DAPL1: variants seen among roughly 807,000 people sequenced by gnomAD.
DAPL1 encodes death-associated protein-like 1.
A neutral mutation model predicts 12.9 loss-of-function variants in DAPL1; 17 were observed. The ratio of observed to expected loss-of-function variants is 1.32; its 90% confidence interval spans 0.90 to 1.98. The LOEUF is 1.98. DAPL1 is among the 30% of genes most tolerant of loss of function. DAPL1 has a pLI of 0.00. For synonymous variants in DAPL1, 51 were observed against 42.0 expected (o/e 1.21, Z -0.82); for missense variants, 157 against 125.7 (o/e 1.25, Z -1.19).
chr2:158,815,649 A>G, intron 3 of DAPL1, 56 bp from the exon 4 acceptor site: 1 of 1,086,920 alleles, frequency 9.2e-7, no homozygotes, highest in African/African-American at 1.5e-5. Flanking sequence ...CTAGTTTAAT[A>G]TTTCATGACC....
intron 3 of DAPL1, among the ~76,000 whole-genome samples, chr2:158,813,338 T>C (rs1319435327): frequency 2.0e-5 from 3 of 152,144 alleles, no homozygotes; most frequent in African/African-American, 7.2e-5. Context: ...AATGTGAATG[T>C]ATTTAGCACC....
chr2:158,808,160 G>A (rs2059211935), intron 3 of DAPL1, among the ~76,000 whole-genome samples: 1 of 152,226 alleles, frequency 6.6e-6, no homozygotes, highest in South Asian at 2.1e-4. Flanking sequence ...GAAGGCGTTG[G>A]ACAAAGTGTC....
At chr2:158,801,373 C>A (rs112805562) in intron 1 of DAPL1, among the ~76,000 whole-genome samples, 4,229 of 152,276 alleles carry the variant, frequency 0.028, 89 homozygotes, top group Middle Eastern at 0.12. Flanking sequence ...TTCTTCTTAG[C>A]ATTAAGCAAC....
intron 3 of DAPL1, among the ~76,000 whole-genome samples, chr2:158,808,400 A>G (rs1290029979): frequency 6.6e-6 from 1 of 152,232 alleles, no homozygotes. Context: ...CGTGGAGACA[A>G]TGAGCTCACA....
intron 1 of DAPL1, among the ~76,000 whole-genome samples, chr2:158,800,068 A>AG (rs1351395094): frequency 8.3e-6 from 1 of 120,414 alleles, no homozygotes; most frequent in Non-Finnish European, 1.7e-5. Flanking sequence ...ATCTCAAAAA[A>AG]AAAAAAAAAA....
intron 2 of DAPL1, among the ~76,000 whole-genome samples, chr2:158,805,183 C>T (rs1444179661): frequency 6.6e-6 from 1 of 152,204 alleles, no homozygotes. Context: ...TGGAAATAGA[C>T]TGTGGCACTT....
chr2:158,812,760 A>G (rs189180873), intron 3 of DAPL1, among the ~76,000 whole-genome samples: 2 of 144,418 alleles, frequency 1.4e-5, no homozygotes, highest in Non-Finnish European at 3.0e-5. Flanking sequence ...ACACCCCTAC[A>G]CTCCAGTCTG....
At chr2:158,809,477 G>A (rs1258365203) in intron 3 of DAPL1, among the ~76,000 whole-genome samples, 1 of 152,288 alleles carries the variant, frequency 6.6e-6, no homozygotes, top group East Asian at 1.9e-4. Flanking sequence ...TTACTGGTTA[G>A]GAGAGCAGGT....
intron 1 of DAPL1, among the ~76,000 whole-genome samples, chr2:158,796,649 T>C (rs1490246554): frequency 6.6e-6 from 1 of 152,234 alleles, no homozygotes; most frequent in Non-Finnish European, 1.5e-5. Context: ...TCTCATTATG[T>C]TGTTTCCACT....
chr2:158,812,507 T>C (rs115678934), intron 3 of DAPL1, among the ~76,000 whole-genome samples: 2,774 of 152,216 alleles, frequency 0.018, 83 homozygotes, highest in African/African-American at 0.058. Context: ...AGAATTGCCA[T>C]ATCAGGCTGG....
chr2:158,815,676 C>T (rs2059256284), intron 3 of DAPL1, 29 bp from the exon 4 acceptor site: 2 of 1,340,362 alleles, frequency 1.5e-6, no homozygotes, highest in African/African-American at 1.4e-5. Flanking sequence ...ATCCAATATG[C>T]CTATTTTTTC....
chr2:158,815,827 G>A lies in DAPL1; in HGVS notation c.*6G>A. 6.3e-7 allele frequency: 1 copy of A among 1,594,648 alleles called. No homozygotes were observed. The highest frequency in any genetic ancestry group is 1.7e-5 in the Admixed American group (1 of 59,996). On this transcript the variant is annotated 3_prime_UTR_variant, in exon 4 of 4. Coordinates refer to ENST00000309950, the MANE Select transcript of DAPL1 (RefSeq NM_001017920.3). ...AGCAGCCTCGAAAATGTTAAGCCTG[G>A]ATTTAAAACACAGCCGTCTGGCCAG...
In DAPL1 at chr2:158,804,281, G is replaced by T; in HGVS notation, c.59-1G>T. ...CCATGCTGATTTTTATCTGTTTGTAGTAAAAGCTGGAGGAATGAGAATTTC... is the reference window on the plus strand; with the variant it reads ...CCATGCTGATTTTTATCTGTTTGTATTAAAAGCTGGAGGAATGAGAATTTC... On this transcript the variant is annotated splice_acceptor_variant, in intron 1 of 3. Transcript: ENST00000309950. LOFTEE classifies it high-confidence loss of function. 1.9e-6 allele frequency: 3 copies of T among 1,603,602 alleles called. No homozygotes were observed. Among genetic ancestry groups the T allele is most frequent in the South Asian group, 1.1e-5 (1 of 89,480 alleles).
intron 1 of DAPL1, among the ~76,000 whole-genome samples, chr2:158,796,404 T>C (rs570263019): frequency 2.0e-3 from 308 of 152,358 alleles, no homozygotes; most frequent in Non-Finnish European, 3.5e-3. Context: ...GCGGGTAGCC[T>C]GGCCAAAAAG....
rs778288787 is a variant in DAPL1, at chr2:158,807,041, T to C, written c.147-14T>C. On this transcript the variant is annotated splice_polypyrimidine_tract_variant and intron_variant, in intron 2 of 3. Transcript: ENST00000309950. ...TTTTTAAGTCCTGTTCAAAGTTTCT[T>C]TTCATCTTCACAGTGCCATTGCAAA... The C allele has an allele frequency of 6.2e-7, 1 of 1,611,924 alleles. No individual in the cohort carries two copies. The highest frequency in any genetic ancestry group is 1.1e-5 in the South Asian group (1 of 90,828).
chr2:158,804,622 C>T (rs1463136053), intron 2 of DAPL1, among the ~76,000 whole-genome samples: 2 of 152,212 alleles, frequency 1.3e-5, no homozygotes, highest in African/African-American at 4.8e-5. Context: ...CTGCATCCAG[C>T]CCAGCGGCCT....
At chr2:158,804,529 G>A (rs2059189219) in intron 2 of DAPL1, among the ~76,000 whole-genome samples, 160 bp downstream of exon 2, 1 of 152,124 alleles carries the variant, frequency 6.6e-6, no homozygotes, top group Admixed American at 6.5e-5. Flanking sequence ...TAGGGTGAGG[G>A]GTGGGGAAAG....
intron 1 of DAPL1, among the ~76,000 whole-genome samples, chr2:158,802,628 T>A (rs992425246): frequency 6.6e-6 from 1 of 152,222 alleles, no homozygotes; most frequent in Non-Finnish European, 1.5e-5. Context: ...CTCACCTGCA[T>A]GTAGTCACAG....
intron 1 of DAPL1, among the ~76,000 whole-genome samples, chr2:158,798,004 T>A (rs909522958): frequency 1.3e-5 from 2 of 152,180 alleles, no homozygotes; most frequent in African/African-American, 4.8e-5. Flanking sequence ...GCTTTTTTGA[T>A]TTGTCTCACC....
Sources: gnomAD v4.1 joint callset for allele counts (sites outside exome capture counted in the v4.1 genomes callset) on GRCh38, gnomAD v4.1.1 for gene constraint, MANE v1.5 for transcripts, NCBI Gene and HGNC (gene_info 2026-07-23, HGNC 2026-07-21) for gene names.